Variants in MAN2B2 observed in about 807,000 individuals in gnomAD.
The protein encoded by MAN2B2 is epididymis-specific alpha-mannosidase.
Under a neutral mutation model 117.1 loss-of-function variants are expected in MAN2B2, and 106 were observed. The observed-to-expected ratio is 0.90, with a 90% CI of 0.77 to 1.06. MAN2B2 has a LOEUF of 1.06. Ranked by LOEUF, MAN2B2 falls within the 50% of genes least tolerant of loss-of-function variation. The probability of loss-of-function intolerance (pLI) is 0.00; values close to 1 mark genes in which losing one functional copy is unlikely to be tolerated. For synonymous variants in MAN2B2, 544 were observed against 595.1 expected, an observed-to-expected ratio of 0.91 and a Z score of 1.25; for missense variants, 1,326 against 1,381.4, an observed-to-expected ratio of 0.96 and a Z score of 0.64.
chr4:6,580,353 T>G (rs377247056), intron 3 of MAN2B2, among the ~76,000 whole-genome samples: 3 of 152,282 alleles, frequency 2.0e-5, no homozygotes, highest in African/African-American at 7.2e-5. Context: ...AGCCGCCTGC[T>G]GTGGCTCCCT....
chr4:6,611,413 C>T (rs2108756049), intron 15 of MAN2B2, 135 bp downstream of exon 15: 1 of 853,438 alleles, frequency 1.2e-6, no homozygotes, highest in Non-Finnish European at 1.8e-6. Context: ...GGACCTCTAG[C>T]CCAAGCCCCT....
Position 6,593,271 on chromosome 4 carries a change from A to C in MAN2B2, c.779A>C (p.Asn260Thr). ...GAGCCTGTCACCCCAGCCAACATCA[A>C]CCTCTATGCCGAGGCCCTGGTGGCC... ...MSEPVTPANINLYAEALVANV... is the reference protein window; with the variant it reads ...MSEPVTPANITLYAEALVANV... The change falls in exon 6 of 19, where the codon AAC becomes ACC. Residue 260 changes from asparagine (N) to threonine (T), a missense_variant. Asn to Thr is a moderately conservative substitution (Grantham distance 65). Coordinates refer to ENST00000285599, the MANE Select transcript of MAN2B2 (RefSeq NM_015274.3). 1 of 1,613,832 alleles carries C rather than the reference A, an allele frequency of 6.2e-7. No homozygotes were observed. Among genetic ancestry groups the C allele is most frequent in the Non-Finnish European group, 8.5e-7 (1 of 1,179,934 alleles).
intron 10 of MAN2B2, among the ~76,000 whole-genome samples, chr4:6,602,494 C>T (rs1364071393): frequency 1.3e-5 from 2 of 152,124 alleles, no homozygotes. Flanking sequence ...CTAATCACCT[C>T]CCCAAGGCCC....
chr4:6,601,263 G>A (rs1017875168), intron 10 of MAN2B2, among the ~76,000 whole-genome samples: 1 of 152,168 alleles, frequency 6.6e-6, no homozygotes, highest in Non-Finnish European at 1.5e-5. Context: ...AAACACTTTC[G>A]GAGGCTGAAG....
chr4:6,581,065 A>G (rs1230643853), intron 3 of MAN2B2, among the ~76,000 whole-genome samples: 1 of 152,188 alleles, frequency 6.6e-6, no homozygotes, highest in Non-Finnish European at 1.5e-5. Context: ...TGTTCTAGGT[A>G]CAAGATGTAC....
At chr4:6,594,843 G>T (rs1303410760) in intron 7 of MAN2B2, 111 bp downstream of exon 7, 2 of 1,179,696 alleles carry the variant, frequency 1.7e-6, no homozygotes, top group African/African-American at 1.5e-5. Flanking sequence ...GCCCTGGAGG[G>T]GTTCCAGGCA....
chr4:6,595,096 G>A (rs933094562), intron 7 of MAN2B2, among the ~76,000 whole-genome samples: 1 of 152,192 alleles, frequency 6.6e-6, no homozygotes, highest in South Asian at 2.1e-4. Flanking sequence ...TCCTGATGCT[G>A]AGGCTGACTC....
Position 6,577,283 on chromosome 4 carries a change from C to T in MAN2B2, c.285+559C>T, listed in dbSNP as rs368588786. On this transcript the variant is annotated intron_variant, in intron 2 of 18. Transcript: ENST00000285599. ...AGCCACAGATTCCACTTCTATTAAA[C>T]GGGGGTGACCGCCCCATTGCAGAAA... 5.3e-5 allele frequency among the ~76,000 whole-genome samples: 8 copies of T among 152,206 alleles called. No individual in the cohort carries two copies. The East Asian group carries it at 5.8e-4, about 11-fold the overall frequency.
Position 6,576,689 on chromosome 4 carries a change from T to A in MAN2B2, c.250T>A (p.Trp84Arg), listed in dbSNP as rs766239497. Residue 84 changes from tryptophan to arginine, a missense_variant, in exon 2 of 19, where the codon TGG becomes AGG. Transcript: ENST00000285599. ...AVEQEFFRLW[W>R]DGVASDQQKY... is the part of the protein sequence containing the mutation. ...GGAGCAGGAGTTTTTCCGGCTGTGG[T>A]GGGATGGCGTCGCCTCGGACCAGCA... 1 of 1,613,878 alleles carries A rather than the reference T, an allele frequency of 6.2e-7. No homozygotes were observed.
At chr4:6,611,716 C>A (rs1711570102) in intron 15 of MAN2B2, among the ~76,000 whole-genome samples, 1 of 152,162 alleles carries the variant, frequency 6.6e-6, no homozygotes, top group South Asian at 2.1e-4. Flanking sequence ...ATCGCTTGAA[C>A]CCGGGAGGCA....
rs778668199 is a variant in MAN2B2 at position 6,621,296 on chromosome 4, GA to G, written c.*12del. ...TTTCAACAGCAGTGAGCCCTGGGCA[GA>G]TGCCCCGGCCCCAGGGCTTCCCCCA... is the stretch of plus-strand genomic sequence containing the variant. On this transcript the variant is annotated 3_prime_UTR_variant, in exon 19 of 19. Coordinates refer to ENST00000285599, the MANE Select transcript of MAN2B2 (RefSeq NM_015274.3). 30 of 1,608,862 alleles carry G rather than the reference GA, an allele frequency of 1.9e-5. No individual in the cohort carries two copies. The highest frequency in any genetic ancestry group is 2.5e-5 in the Non-Finnish European group (29 of 1,175,436).
intron 10 of MAN2B2, among the ~76,000 whole-genome samples, chr4:6,601,266 G>A (rs963267967): frequency 6.6e-6 from 1 of 152,218 alleles, no homozygotes; most frequent in Non-Finnish European, 1.5e-5. Flanking sequence ...CACTTTCGGA[G>A]GCTGAAGCGG....
At position 6,622,740 on chromosome 4, in the gene MAN2B2, C is replaced by G. The variant is rs1712229676; in HGVS notation, c.*1455C>G. 6.6e-6 allele frequency: 1 copy of G among 151,636 alleles called. No individual in the cohort carries two copies. The highest frequency in any genetic ancestry group is 6.6e-5 in the Admixed American group (1 of 15,238). The allele number at this position is 151,636 out of a possible 1,614,324, so 9.4% of individuals were successfully genotyped here. ...CGTGAGCCAATGTGCCCGGCCTAAA[C>G]CGTTTTAAAGAGTAAACTGTAAGAT... On this transcript the variant is annotated 3_prime_UTR_variant, in exon 19 of 19. Coordinates refer to ENST00000285599, the MANE Select transcript of MAN2B2 (RefSeq NM_015274.3).
Position 6,575,247 on chromosome 4 carries a change from C to T in MAN2B2, c.37C>T (p.Leu13Phe), listed in dbSNP as rs770090735. ...GTGCTGGCTGCCGCTGCTGGCACCG[C>T]TCCTGTTGCTGCGACCGCCAGGGGT... Reference protein sequence around the residue: ...QLCWLPLLAPLLLLRPPGVQS... With the variant: ...QLCWLPLLAPFLLLRPPGVQS... The change falls in exon 1 of 19, where the codon CTC (leucine) becomes TTC (phenylalanine). Residue 13 changes from leucine (L) to phenylalanine (F), a missense_variant. Physicochemically the swap from Leu to Phe is conservative, Grantham distance 22. Transcript: ENST00000285599. 6.9e-5 allele frequency: 106 copies of T among 1,543,970 alleles called. No individual in the cohort carries two copies. The highest frequency in any genetic ancestry group is 8.4e-5 in the Non-Finnish European group (97 of 1,150,402).
At chr4:6,611,597 A>G (rs1433458864) in intron 15 of MAN2B2, among the ~76,000 whole-genome samples, 1 of 149,684 alleles carries the variant, frequency 6.7e-6, no homozygotes, top group Non-Finnish European at 1.5e-5. Flanking sequence ...TCACCATGTC[A>G]CTTTAGGTCT....
At chr4:6,581,740 C>T (rs368721422) in intron 3 of MAN2B2, among the ~76,000 whole-genome samples, 13 of 150,498 alleles carry the variant, frequency 8.6e-5, no homozygotes, top group African/African-American at 2.9e-4. Context: ...ATCTAGGGTG[C>T]CAAAGCATCT....
chr4:6,619,526 G>A (rs1712058582), intron 17 of MAN2B2: 1 of 180,556 alleles, frequency 5.5e-6, no homozygotes, highest in African/African-American at 2.4e-5. Flanking sequence ...GTGTAAGGGA[G>A]GCTGGGACAA....
intron 16 of MAN2B2, 24 bp from the exon 17 acceptor site, chr4:6,617,356 G>A (rs754807817): frequency 1.3e-5 from 21 of 1,603,192 alleles, no homozygotes; most frequent in Non-Finnish European, 1.1e-5. Context: ...GGTCTTCACT[G>A]CCACCTTCCT....
At chr4:6,610,572 G>C (rs577759674) in intron 13 of MAN2B2, among the ~76,000 whole-genome samples, 1 of 152,234 alleles carries the variant, frequency 6.6e-6, no homozygotes, top group Non-Finnish European at 1.5e-5. Flanking sequence ...AATAGTATGT[G>C]CCTTGGCTTG....
Sources: allele counts gnomAD v4.1 joint callset (sites outside exome capture counted in the v4.1 genomes callset), GRCh38; gene constraint gnomAD v4.1.1; transcripts MANE v1.5; gene names NCBI Gene and HGNC (gene_info 2026-07-23, HGNC 2026-07-21).